Variants in SMAP1 observed in about 807,000 individuals in gnomAD.
The protein encoded by SMAP1 is small ArfGAP 1, also known as stromal membrane-associated protein 1.
A neutral mutation model predicts 58.5 loss-of-function variants in SMAP1; 24 were observed. The observed-to-expected ratio is 0.41, with a 90% CI of 0.30 to 0.58. SMAP1 has a LOEUF of 0.58. SMAP1 is among the 20% of genes least tolerant of loss of function. The pLI is 0.29. For synonymous variants in SMAP1, 216 were observed against 196.6 expected (o/e 1.10, Z -0.82); for missense variants, 563 against 566.3 (o/e 0.99, Z 0.06).
Position 70,861,985 on chromosome 6 carries a change from G to GAAA in SMAP1, c.*1654_*1656dup. On this transcript the variant is annotated 3_prime_UTR_variant, in exon 11 of 11. Coordinates refer to ENST00000370455, the MANE Select transcript of SMAP1 (RefSeq NM_001044305.3). ...TGAAGACTTACAGCAAATCCTTTGT[G>GAAA]AAAAATAAAAAAAAAAAAGAGACTT... 2 of 1,545,898 alleles carry GAAA rather than the reference G, an allele frequency of 1.3e-6. No homozygotes were observed. The highest frequency in any genetic ancestry group is 4.2e-5 in the Admixed American group (2 of 47,466).
intron 4 of SMAP1, among the ~76,000 whole-genome samples, chr6:70,777,953 C>T (rs886517097): frequency 2.0e-5 from 3 of 151,974 alleles, no homozygotes; most frequent in Admixed American, 2.0e-4. Context: ...GGTTTTGCCA[C>T]GTTGCCCAGG....
intron 1 of SMAP1, among the ~76,000 whole-genome samples, chr6:70,729,787 G>A (rs1178225414): frequency 1.3e-5 from 2 of 151,986 alleles, no homozygotes; most frequent in African/African-American, 2.4e-5. Context: ...CCTTAATTAC[G>A]TTAGTTATGT....
intron 6 of SMAP1, among the ~76,000 whole-genome samples, chr6:70,819,387 T>A (rs1769789038): frequency 1.3e-5 from 2 of 151,784 alleles, no homozygotes; most frequent in South Asian, 4.1e-4. Context: ...GTATTTTAAA[T>A]CTAGAATAAA....
intron 7 of SMAP1, among the ~76,000 whole-genome samples, chr6:70,848,051 A>G (rs192470486): frequency 2.0e-5 from 3 of 152,192 alleles, no homozygotes; most frequent in African/African-American, 7.2e-5. Context: ...TATCTGAATA[A>G]CTGTTTTCAG....
chr6:70,719,015 A>G lies in SMAP1; in HGVS notation c.119-13363A>G, dbSNP rs545117139. 3.9e-5 allele frequency among the ~76,000 whole-genome samples: 6 copies of G among 152,278 alleles called. No individual in the cohort carries two copies. In the East Asian group the frequency reaches 9.7e-4, roughly 25 times the overall value. On this transcript the variant is annotated intron_variant, in intron 1 of 10. Transcript: ENST00000370455. Reference sequence around the variant, plus strand: ...AAACATTTAAAAACTATTTTATAACATATATAATCAGTGGAATTGCATGAC... The same window carrying G: ...AAACATTTAAAAACTATTTTATAACGTATATAATCAGTGGAATTGCATGAC...
At chr6:70,789,592 C>CT (rs200041762) in intron 4 of SMAP1, among the ~76,000 whole-genome samples, 20,553 of 135,604 alleles carry the variant, frequency 0.15, 1,557 homozygotes, top group Middle Eastern at 0.23. Context: ...TTTCTTTTTT[C>CT]TTTTTTTTTT....
At chr6:70,781,343 ATGT>A (rs893278378) in intron 4 of SMAP1, among the ~76,000 whole-genome samples, 11 of 152,102 alleles carry the variant, frequency 7.2e-5, no homozygotes, top group Non-Finnish European at 2.9e-5. Flanking sequence ...AGTTTCATTG[ATGT>A]TGTGTTTTGT....
intron 10 of SMAP1, chr6:70,859,973 T>TTAAG (rs891516640): frequency 9.9e-6 from 4 of 403,134 alleles, no homozygotes; most frequent in Admixed American, 4.3e-5. Flanking sequence ...GTATTTTTTT[T>TTAAG]TAAGTAAGTT....
intron 4 of SMAP1, among the ~76,000 whole-genome samples, chr6:70,787,047 C>A (rs967225646): frequency 6.6e-6 from 1 of 152,166 alleles, no homozygotes; most frequent in Non-Finnish European, 1.5e-5. Context: ...TGACTTCAAA[C>A]TATACTACAA....
Position 70,861,330 on chromosome 6 carries a change from CAATTAT to C in SMAP1, c.*999_*1004del, listed in dbSNP as rs1270172820. ...AGTCTACCAACCTGTTCAAGTCTACCAATTATAAGGGCAAATTGGAGAAAAAGAAAA... is the reference window on the plus strand; with the variant it reads ...AGTCTACCAACCTGTTCAAGTCTACCAAGGGCAAATTGGAGAAAAAGAAAA... On this transcript the variant is annotated 3_prime_UTR_variant, in exon 11 of 11. Coordinates refer to ENST00000370455, the MANE Select transcript of SMAP1 (RefSeq NM_001044305.3). 1 of 225,944 alleles carries C rather than the reference CAATTAT, an allele frequency of 4.4e-6. No individual in the cohort carries two copies. The highest frequency in any genetic ancestry group is 2.2e-5 in the African/African-American group (1 of 44,586). The allele number at this position is 225,944 out of a possible 1,614,324, so 14.0% of individuals were successfully genotyped here.
At chr6:70,786,991 A>T (rs1768070291) in intron 4 of SMAP1, among the ~76,000 whole-genome samples, 1 of 152,174 alleles carries the variant, frequency 6.6e-6, no homozygotes. Flanking sequence ...CGCATCGCCA[A>T]GTCAGTCCTA....
chr6:70,802,851 G>T (rs1335687533), intron 6 of SMAP1, among the ~76,000 whole-genome samples: 1 of 145,538 alleles, frequency 6.9e-6, no homozygotes, highest in Admixed American at 7.0e-5. Context: ...TCCCAGGGAT[G>T]AAGCCCACTT....
Position 70,856,841 on chromosome 6 carries a change from T to G in SMAP1, c.790-18T>G. On this transcript the variant is annotated intron_variant, in intron 8 of 10. Coordinates refer to ENST00000370455, the MANE Select transcript of SMAP1 (RefSeq NM_001044305.3). ...TTACTATGCAGAATTTGATAGCTTA[T>G]TTTGGTGTTTGTCTCAGGGGACACC... 6.3e-7 allele frequency: 1 copy of G among 1,585,208 alleles called. No individual in the cohort carries two copies. Among genetic ancestry groups the G allele is most frequent in the Non-Finnish European group, 8.6e-7 (1 of 1,165,640 alleles).
At chr6:70,766,728 T>C (rs1420717389) in intron 3 of SMAP1, among the ~76,000 whole-genome samples, 3 of 152,232 alleles carry the variant, frequency 2.0e-5, no homozygotes, top group South Asian at 4.1e-4. Flanking sequence ...TTTCTTTTGC[T>C]GTGCAGAAGC....
In SMAP1 at chr6:70,683,054, C is replaced by T. The variant is rs117446091; in HGVS notation, c.118+14913C>T. Among the ~76,000 whole-genome samples, 97 of 151,944 alleles carry T rather than the reference C, an allele frequency of 6.4e-4. 1 individual carries two copies. The East Asian group carries it at 0.018, about 28-fold the overall frequency. On this transcript the variant is annotated intron_variant, in intron 1 of 10. Coordinates refer to ENST00000370455, the MANE Select transcript of SMAP1 (RefSeq NM_001044305.3). ...TCCATGTCAAAAAAAGAGTGGCTGA[C>T]TTACTGTACCCAGTCTGTTACTGGG...
intron 1 of SMAP1, among the ~76,000 whole-genome samples, chr6:70,689,061 G>A (rs1767049025): frequency 6.6e-6 from 1 of 151,856 alleles, no homozygotes; most frequent in Admixed American, 6.6e-5. Context: ...ATGCAGTGGT[G>A]CGATCTGGGC....
intron 1 of SMAP1, among the ~76,000 whole-genome samples, chr6:70,724,889 CCAAA>C (rs1768697862): frequency 6.6e-6 from 1 of 151,566 alleles, no homozygotes; most frequent in Non-Finnish European, 1.5e-5. Context: ...TAAGAAACTC[CCAAA>C]CATTCTATTG....
chr6:70,837,663 TCTC>T (rs1407501214), intron 7 of SMAP1: 75 of 447,370 alleles, frequency 1.7e-4, no homozygotes, highest in Non-Finnish European at 1.4e-4. Context: ...AGCTTCTCTC[TCTC>T]TCTTTTTTTT....
chr6:70,815,043 A>T (rs980670191), intron 6 of SMAP1, among the ~76,000 whole-genome samples: 2 of 152,162 alleles, frequency 1.3e-5, no homozygotes, highest in Admixed American at 1.3e-4. Flanking sequence ...AATGACAAAG[A>T]TAATCTTAGC....
Sources: gnomAD v4.1 joint callset for allele counts (sites outside exome capture counted in the v4.1 genomes callset) on GRCh38, gnomAD v4.1.1 for gene constraint, MANE v1.5 for transcripts, NCBI Gene and HGNC (gene_info 2026-07-23, HGNC 2026-07-21) for gene names.